THSD7B: variants seen among roughly 807,000 people sequenced by gnomAD.
THSD7B encodes thrombospondin type 1 domain containing 7B.
In THSD7B, 138 loss-of-function variants were observed where a neutral mutation model predicts 213.6. The observed-to-expected ratio is 0.65, with a 90% CI of 0.56 to 0.74. The LOEUF (loss-of-function observed/expected upper bound fraction) is 0.74. Ranked by LOEUF, THSD7B falls within the 30% of genes least tolerant of loss-of-function variation. THSD7B has a pLI of 0.00. For missense variants in THSD7B, 1,931 were observed against 1,991.5 expected (o/e 0.97, Z 0.58); for synonymous variants, 742 against 687.0 (o/e 1.08, Z -1.25).
At chr2:137,100,616 G>T (rs1315754154) in intron 4 of THSD7B, among the ~76,000 whole-genome samples, 1 of 152,190 alleles carries the variant, frequency 6.6e-6, no homozygotes, top group Non-Finnish European at 1.5e-5. Context: ...CTAGAAAAGT[G>T]CCTGGCTCGT....
At chr2:137,225,086 G>A (rs1423972317) in intron 7 of THSD7B, among the ~76,000 whole-genome samples, 3 of 151,746 alleles carry the variant, frequency 2.0e-5, no homozygotes, top group African/African-American at 4.8e-5. Context: ...TTTTCACTTT[G>A]TGAGCATCTT....
intron 17 of THSD7B, among the ~76,000 whole-genome samples, chr2:137,577,970 A>C (rs1407491081): frequency 6.6e-6 from 1 of 152,224 alleles, no homozygotes; most frequent in Non-Finnish European, 1.5e-5. Flanking sequence ...ATGGAATATC[A>C]TTGGATTTCT....
chr2:137,418,722 A>G (rs1573614401), intron 14 of THSD7B, among the ~76,000 whole-genome samples: 1 of 152,002 alleles, frequency 6.6e-6, no homozygotes, highest in Admixed American at 6.6e-5. Flanking sequence ...GTAATCACCA[A>G]TCTACTCTCT....
chr2:137,340,854 C>T (rs779995250), intron 12 of THSD7B, among the ~76,000 whole-genome samples: 7 of 151,706 alleles, frequency 4.6e-5, no homozygotes, highest in Non-Finnish European at 1.0e-4. Context: ...TACTTCATAA[C>T]TTGGCTATTG....
chr2:137,160,416 A>G (rs1238621900), intron 6 of THSD7B, 48 bp downstream of exon 6: 14 of 1,591,602 alleles, frequency 8.8e-6, no homozygotes, highest in Non-Finnish European at 1.2e-5. Context: ...GCGTACAAAC[A>G]TTTATTCTGG....
At chr2:137,084,354 A>G (rs1046694876) in intron 3 of THSD7B, among the ~76,000 whole-genome samples, 1 of 152,228 alleles carries the variant, frequency 6.6e-6, no homozygotes, top group Non-Finnish European at 1.5e-5. Flanking sequence ...GCTAAAAAGT[A>G]AAGCGATGAG....
Position 137,056,692 on chromosome 2 carries a change from C to T in THSD7B, c.412C>T (p.Leu138=), listed in dbSNP as rs1429952433. 5 of 1,613,868 alleles carry T rather than the reference C, an allele frequency of 3.1e-6. No individual in the cohort carries two copies. The highest frequency in any genetic ancestry group is 2.2e-5 in the South Asian group (2 of 91,088). Residue 138 remains leucine, a synonymous_variant, in exon 3 of 28, where the codon CTG becomes TTG. Transcript: ENST00000409968. ...TAECVTAQHG[L]QHRMVRCIQK... ...AGAGTGTGTGACGGCTCAGCATGGA[C>T]TGCAGCACCGGATGGTGCGCTGCAT...
chr2:137,043,395 C>T (rs1006930691), intron 2 of THSD7B, among the ~76,000 whole-genome samples: 1 of 152,078 alleles, frequency 6.6e-6, no homozygotes, highest in African/African-American at 2.4e-5. Context: ...TACTTTTCCA[C>T]TGTGCTCAAC....
At chr2:136,834,484 A>T (rs1296434581) in intron 1 of THSD7B, among the ~76,000 whole-genome samples, 2 of 152,018 alleles carry the variant, frequency 1.3e-5, no homozygotes, top group Non-Finnish European at 2.9e-5. Flanking sequence ...TTGCTTCCTT[A>T]TTTTGTTACT....
chr2:137,676,761 C>A lies in THSD7B; in HGVS notation c.*156C>A. On this transcript the variant is annotated 3_prime_UTR_variant, in exon 28 of 28. Coordinates refer to ENST00000409968, the MANE Select transcript of THSD7B (RefSeq NM_001316349.2). ...TAATATTGCCTCAACTTCATTTGGA[C>A]ATGGAGTCAAGGATTATTAGGTCTG... 1 of 588,008 alleles carries A rather than the reference C, an allele frequency of 1.7e-6. No homozygotes were observed. Among genetic ancestry groups the A allele is most frequent in the Non-Finnish European group, 2.7e-6 (1 of 373,480 alleles). 36.4% of individuals were successfully genotyped at this position (588,008 alleles called of 1,614,324 possible).
intron 12 of THSD7B, among the ~76,000 whole-genome samples, chr2:137,355,641 A>C (rs1012962970): frequency 2.0e-5 from 3 of 152,182 alleles, no homozygotes; most frequent in African/African-American, 7.2e-5. Context: ...ATCAGCATGA[A>C]CTTCCCAAAG....
chr2:136,980,723 T>A (rs552625281), intron 2 of THSD7B, among the ~76,000 whole-genome samples: 1 of 152,278 alleles, frequency 6.6e-6, no homozygotes, highest in East Asian at 1.9e-4. Flanking sequence ...GTCTTCACAG[T>A]TCTGTCCTTG....
chr2:136,781,862 A>G (rs1573635709), intron 1 of THSD7B, among the ~76,000 whole-genome samples: 1 of 152,128 alleles, frequency 6.6e-6, no homozygotes, highest in African/African-American at 2.4e-5. Context: ...GTGGAGAAAT[A>G]ACACCATTAC....
intron 1 of THSD7B, among the ~76,000 whole-genome samples, chr2:136,872,577 C>T (rs1358692699): frequency 6.9e-5 from 10 of 144,344 alleles, no homozygotes; most frequent in African/African-American, 1.1e-4. Context: ...TCTTCTTTCT[C>T]TTTCTTTTTC....
At chr2:137,396,969 A>G (rs1686208558) in intron 12 of THSD7B, among the ~76,000 whole-genome samples, 1 of 140,318 alleles carries the variant, frequency 7.1e-6, no homozygotes, top group African/African-American at 2.6e-5. Flanking sequence ...CTGTTTTATC[A>G]GAGACGAGGA....
At chr2:137,629,924 C>T (rs1294105523) in intron 20 of THSD7B, among the ~76,000 whole-genome samples, 1 of 152,036 alleles carries the variant, frequency 6.6e-6, no homozygotes, top group African/African-American at 2.4e-5. Flanking sequence ...ATTTAAGGTC[C>T]CATGTTAAGA....
intron 7 of THSD7B, among the ~76,000 whole-genome samples, chr2:137,195,215 T>A (rs35509533): frequency 0.089 from 13,422 of 151,376 alleles, 795 homozygotes; most frequent in African/African-American, 0.16. Flanking sequence ...TATAGCTATT[T>A]GTATGTATAT....
At chr2:136,978,006 C>G (rs959062169) in intron 2 of THSD7B, among the ~76,000 whole-genome samples, 2 of 151,982 alleles carry the variant, frequency 1.3e-5, no homozygotes, top group Non-Finnish European at 2.9e-5. Flanking sequence ...ACAATGTTGG[C>G]CAGGCTGGTC....
At chr2:136,891,461 G>A (rs1337010434) in intron 2 of THSD7B, among the ~76,000 whole-genome samples, 1 of 152,128 alleles carries the variant, frequency 6.6e-6, no homozygotes, top group Non-Finnish European at 1.5e-5. Flanking sequence ...AATACCCAGA[G>A]TTTTTTCTCT....
Sources: allele counts gnomAD v4.1 joint callset (sites outside exome capture counted in the v4.1 genomes callset), GRCh38; gene constraint gnomAD v4.1.1; transcripts MANE v1.5; gene names NCBI Gene and HGNC (gene_info 2026-07-23, HGNC 2026-07-21).